The following SATB2 variants were observed in gnomAD, a reference collection of about 807,000 sequenced individuals.
The protein encoded by SATB2 is SATB homeobox 2.
Under a neutral mutation model 73.4 loss-of-function variants are expected in SATB2, and 1 was observed. The ratio of observed to expected loss-of-function variants is 0.01; its 90% CI spans 0.00 to 0.06. SATB2 has a LOEUF of 0.06. SATB2 is among the 10% of genes least tolerant of loss of function. The pLI is 1.00. For missense variants in SATB2, 459 were observed against 945.8 expected, an observed-to-expected ratio of 0.49 and a Z score of 6.75; for synonymous variants, 397 against 367.0, an observed-to-expected ratio of 1.08 and a Z score of -0.93.
intron 2 of SATB2, among the ~76,000 whole-genome samples, chr2:199,453,305 T>C (rs1224973236): frequency 6.6e-6 from 1 of 152,060 alleles, no homozygotes; most frequent in African/African-American, 2.4e-5. Context: ...TTAACAAATA[T>C]GTACTCCCAA....
At chr2:199,458,409 A>G (rs552847867), upstream of SATB2, 4 of 366,806 alleles carry the variant, frequency 1.1e-5, no homozygotes, top group South Asian at 3.8e-5. Flanking sequence ...GGTGACGAGG[A>G]CCTCATGCAC....
At position 199,408,321 on chromosome 2, in the gene SATB2, T is replaced by C. The variant is rs185383179; in HGVS notation, c.346+25017A>G. Among the ~76,000 whole-genome samples, 285 of 152,306 alleles carry C rather than the reference T, an allele frequency of 1.9e-3. 1 individual carries two copies. Among genetic ancestry groups the C allele is most frequent in the African/African-American group, 6.4e-3 (264 of 41,570 alleles). On this transcript the variant is annotated intron_variant, in intron 3 of 10. Transcript: ENST00000417098. ...ATGTATTAAATTATTTTTAAAATTA[T>C]ATATGTATACACATAATTTTTGACC...
chr2:199,296,408 A>T (rs1306384020), intron 10 of SATB2, among the ~76,000 whole-genome samples: 1 of 152,164 alleles, frequency 6.6e-6, no homozygotes, highest in African/African-American at 2.4e-5. Context: ...CAGTAGATGG[A>T]GTCCAGGCGC....
At chr2:199,325,622 C>A (rs918991938) in intron 8 of SATB2, among the ~76,000 whole-genome samples, 14 of 152,174 alleles carry the variant, frequency 9.2e-5, no homozygotes, top group African/African-American at 3.4e-4. Flanking sequence ...CATGTCTGCC[C>A]TTTCTCAATT....
At chr2:199,396,129 C>T (rs1000253664) in intron 3 of SATB2, 2 of 152,166 alleles carry the variant, frequency 1.3e-5, no homozygotes, top group Non-Finnish European at 2.9e-5. Context: ...TCTTTAGGCA[C>T]CCAAATCTGC....
chr2:199,450,869 A>G (rs1008703017), intron 2 of SATB2, among the ~76,000 whole-genome samples: 5 of 152,080 alleles, frequency 3.3e-5, no homozygotes, highest in African/African-American at 2.4e-5. Flanking sequence ...AAATGACTCA[A>G]ATTCATATTC....
chr2:199,439,510 C>T (rs533262924), intron 2 of SATB2, among the ~76,000 whole-genome samples: 19 of 152,308 alleles, frequency 1.2e-4, no homozygotes, highest in African/African-American at 4.6e-4. Context: ...AAAACTGAAC[C>T]TGAAGTACCA....
intron 5 of SATB2, among the ~76,000 whole-genome samples, chr2:199,369,179 C>T (rs1319785584): frequency 1.3e-5 from 2 of 152,122 alleles, no homozygotes; most frequent in Admixed American, 6.5e-5. Flanking sequence ...TTTATAGAAA[C>T]GTGTGATTAG....
chr2:199,404,524 T>TA (rs1400274159), intron 3 of SATB2, among the ~76,000 whole-genome samples: 2 of 152,216 alleles, frequency 1.3e-5, no homozygotes, highest in African/African-American at 4.8e-5. Context: ...AAGCATCATT[T>TA]AAATCAGAGA....
chr2:199,300,347 G>A (rs1687245155), intron 10 of SATB2, among the ~76,000 whole-genome samples: 1 of 146,020 alleles, frequency 6.8e-6, no homozygotes, highest in Admixed American at 6.9e-5. Context: ...AAAGCATTCT[G>A]TTTAGTTTTA....
At chr2:199,404,692 G>GA (rs1032898804) in intron 3 of SATB2, among the ~76,000 whole-genome samples, 7 of 151,898 alleles carry the variant, frequency 4.6e-5, no homozygotes, top group Non-Finnish European at 7.4e-5. Context: ...GTTAAAAAAA[G>GA]AAAAAAATCA....
intron 3 of SATB2, among the ~76,000 whole-genome samples, chr2:199,386,415 G>A (rs1402776021): frequency 6.6e-6 from 1 of 152,190 alleles, no homozygotes; most frequent in Admixed American, 6.5e-5. Flanking sequence ...AGGTAGGTAT[G>A]TCTAGTTACA....
intron 10 of SATB2, among the ~76,000 whole-genome samples, chr2:199,296,404 A>G (rs1223650573): frequency 6.6e-6 from 1 of 152,174 alleles, no homozygotes; most frequent in Non-Finnish European, 1.5e-5. Context: ...AAAACAGTAG[A>G]TGGAGTCCAG....
At chr2:199,350,522 A>C (rs975940647) in intron 6 of SATB2, among the ~76,000 whole-genome samples, 1 of 152,200 alleles carries the variant, frequency 6.6e-6, no homozygotes, top group African/African-American at 2.4e-5. Flanking sequence ...AGTATTTCTA[A>C]ATTAATACTT....
At chr2:199,391,443 A>C (rs890026264) in intron 3 of SATB2, among the ~76,000 whole-genome samples, 2 of 151,138 alleles carry the variant, frequency 1.3e-5, no homozygotes, top group Non-Finnish European at 3.0e-5. Context: ...AAAAAAAAAA[A>C]AAAAAAAAAC....
chr2:199,429,638 G>A (rs138985203), intron 3 of SATB2, among the ~76,000 whole-genome samples: 79 of 152,320 alleles, frequency 5.2e-4, no homozygotes, highest in African/African-American at 1.8e-3. Context: ...GGCCAGGCAC[G>A]GAGGCTCACG....
Position 199,455,758 on chromosome 2 carries a change from T to C in SATB2, c.169+111A>G. 8.0e-7 allele frequency: 1 copy of C among 1,252,674 alleles called. No individual in the cohort carries two copies. Among genetic ancestry groups the C allele is most frequent in the South Asian group, 1.3e-5 (1 of 76,676 alleles). 77.6% of individuals were successfully genotyped at this position (1,252,674 alleles called of 1,614,324 possible). ...GGGGGCATTATTTGGCAACCTGGAA[T>C]TCACTTCCTGTAATCCTACACCGCG... On this transcript the variant is annotated intron_variant, in intron 2 of 10. Coordinates refer to ENST00000417098, the MANE Select transcript of SATB2 (RefSeq NM_001172509.2). This position sits in a 1 kb window ranked among gnomAD's most constrained non-coding sequence, Gnocchi z 4.1.
chr2:199,318,786 C>T (rs918939208), intron 9 of SATB2, among the ~76,000 whole-genome samples: 10 of 151,150 alleles, frequency 6.6e-5, no homozygotes, highest in Non-Finnish European at 1.0e-4. Flanking sequence ...ATTAATTACT[C>T]TCTTTCCTTT....
chr2:199,304,189 G>A (rs781680643), intron 10 of SATB2, among the ~76,000 whole-genome samples: 3 of 152,152 alleles, frequency 2.0e-5, no homozygotes, highest in Non-Finnish European at 4.4e-5. Flanking sequence ...TTGTAAAACG[G>A]AGTTGGTAGT....
Sources: allele counts gnomAD v4.1 joint callset (sites outside exome capture counted in the v4.1 genomes callset), GRCh38; gene constraint gnomAD v4.1.1; non-coding constraint Gnocchi (gnomAD v3.1); transcripts MANE v1.5; gene names NCBI Gene and HGNC (gene_info 2026-07-23, HGNC 2026-07-21).